METTL15: variants seen among roughly 807,000 people sequenced by gnomAD.
METTL15 encodes methyltransferase 15, mitochondrial 12S rRNA N4-cytidine.
A neutral mutation model predicts 38.3 loss-of-function variants in METTL15; 34 were observed. The observed-to-expected ratio is 0.89, with a 90% CI of 0.68 to 1.18. METTL15 has a LOEUF of 1.18. Among genes scored for constraint, METTL15 ranks in the 50% most tolerant of loss-of-function variants. The probability of loss-of-function intolerance (pLI) is 0.00; values close to 1 mark genes in which losing one functional copy is unlikely to be tolerated. For synonymous variants in METTL15, 162 were observed against 170.9 expected (o/e 0.95, Z 0.41); for missense variants, 438 against 498.4 (o/e 0.88, Z 1.15).
intron 6 of METTL15, among the ~76,000 whole-genome samples, chr11:28,513,845 CTG>C (rs1277458824): frequency 6.6e-6 from 1 of 152,252 alleles, no homozygotes; most frequent in Admixed American, 6.5e-5. Flanking sequence ...GTTTTCCGCC[CTG>C]GGCGGGCCAG....
chr11:28,339,606 A>G (rs1849932485), intron 3 of METTL15, among the ~76,000 whole-genome samples: 2 of 151,904 alleles, frequency 1.3e-5, no homozygotes, highest in African/African-American at 4.8e-5. Flanking sequence ...TTGGCCTCCC[A>G]AAAAGAGAGA....
At chr11:28,232,323 C>T (rs1233404672) in intron 4 of METTL15, among the ~76,000 whole-genome samples, 1 of 151,566 alleles carries the variant, frequency 6.6e-6, no homozygotes, top group Non-Finnish European at 1.5e-5. Flanking sequence ...CAGTCCTGTG[C>T]CAAGGGAATC....
At chr11:28,287,381 T>C (rs1029310981) in intron 4 of METTL15, 24 of 346,814 alleles carry the variant, frequency 6.9e-5, no homozygotes, top group Non-Finnish European at 1.2e-4. Flanking sequence ...GATCTTTGAG[T>C]TGTACATCAA....
At chr11:28,324,863 A>G (rs1468923527) in intron 6 of METTL15, among the ~76,000 whole-genome samples, 1 of 152,134 alleles carries the variant, frequency 6.6e-6, no homozygotes, top group Non-Finnish European at 1.5e-5. Flanking sequence ...GGCAGGTGAA[A>G]GATGATTTTA....
intron 6 of METTL15, among the ~76,000 whole-genome samples, chr11:28,307,971 G>A (rs985687257): frequency 6.6e-6 from 1 of 152,018 alleles, no homozygotes; most frequent in Admixed American, 6.6e-5. Flanking sequence ...TGAAGATAAA[G>A]ACACAGACAA....
At chr11:28,519,238 A>G (rs1315956226) in intron 6 of METTL15, 1 of 152,214 alleles carries the variant, frequency 6.6e-6, no homozygotes, top group Non-Finnish European at 1.5e-5. Context: ...TTGGAGTGGG[A>G]TCCAGAGTTC....
At chr11:28,172,178 T>A (rs1198848489) in intron 3 of METTL15, among the ~76,000 whole-genome samples, 1 of 152,166 alleles carries the variant, frequency 6.6e-6, no homozygotes, top group African/African-American at 2.4e-5. Context: ...TTTTTTTTCT[T>A]TCAAAACAAG....
chr11:28,418,915 T>C (rs1010426241), intron 5 of METTL15, among the ~76,000 whole-genome samples: 3 of 152,138 alleles, frequency 2.0e-5, no homozygotes, highest in African/African-American at 7.2e-5. Flanking sequence ...GGTCAGAACT[T>C]AAGTTTCATC....
intron 3 of METTL15, among the ~76,000 whole-genome samples, chr11:28,209,367 G>T (rs1164928771): frequency 1.3e-5 from 2 of 152,080 alleles, no homozygotes; most frequent in East Asian, 3.9e-4. Flanking sequence ...TCAAATTGAT[G>T]TAATGCATAG....
At chr11:28,519,872 G>A (rs1004840362) in intron 6 of METTL15, among the ~76,000 whole-genome samples, 2 of 152,136 alleles carry the variant, frequency 1.3e-5, no homozygotes, top group African/African-American at 4.8e-5. Flanking sequence ...GGTCACTTTA[G>A]CTTTTAGTGG....
intron 5 of METTL15, among the ~76,000 whole-genome samples, chr11:28,295,988 A>T (rs1394729235): frequency 6.6e-6 from 1 of 152,136 alleles, no homozygotes; most frequent in East Asian, 1.9e-4. Flanking sequence ...CCATTTCCCT[A>T]AGGTAAACAG....
intron 6 of METTL15, among the ~76,000 whole-genome samples, chr11:28,439,593 G>A (rs936967435): frequency 6.6e-6 from 1 of 152,170 alleles, no homozygotes; most frequent in African/African-American, 2.4e-5. Context: ...CCCTGTGGGT[G>A]GGCCCAATGC....
At chr11:28,303,754 A>T (rs188627972) in intron 6 of METTL15, among the ~76,000 whole-genome samples, 5 of 152,314 alleles carry the variant, frequency 3.3e-5, no homozygotes, top group Admixed American at 6.5e-5. Flanking sequence ...GAAAAAATAT[A>T]TAAGTTCTTA....
At chr11:28,378,200 G>T (rs1347393421) in intron 5 of METTL15, among the ~76,000 whole-genome samples, 3 of 152,204 alleles carry the variant, frequency 2.0e-5, no homozygotes, top group Non-Finnish European at 2.9e-5. Context: ...CGAGCTTCCT[G>T]GCTCCTTTGT....
At chr11:28,220,472 G>T (rs1303979514) in intron 4 of METTL15, among the ~76,000 whole-genome samples, 2 of 152,046 alleles carry the variant, frequency 1.3e-5, no homozygotes, top group East Asian at 3.9e-4. Context: ...CATGAGATGG[G>T]TTTCCTGAAT....
rs1194573031 is a variant in METTL15 at position 28,330,472 on chromosome 11, C to A, written c.855C>A (p.Phe285Leu). ...QRSTHIATKT[F>L]QALRIFVNNE... Reference sequence around the variant, plus strand: ...CTACCCATATTGCCACCAAGACTTTCCAGGCTCTTCGCATATTTGTGAACA... The same window carrying A: ...CTACCCATATTGCCACCAAGACTTTACAGGCTCTTCGCATATTTGTGAACA... Residue 285 changes from phenylalanine to leucine, a missense_variant, in exon 7 of 7, where the codon TTC becomes TTA. Coordinates refer to ENST00000407364, the MANE Select transcript of METTL15 (RefSeq NM_001113528.2). The A allele has an allele frequency of 6.4e-7, 1 of 1,551,570 alleles. No individual in the cohort carries two copies. Among genetic ancestry groups the A allele is most frequent in the East Asian group, 2.4e-5 (1 of 40,914 alleles).
chr11:28,277,012 C>A (rs1855869317), intron 4 of METTL15, among the ~76,000 whole-genome samples: 1 of 152,142 alleles, frequency 6.6e-6, no homozygotes, highest in African/African-American at 2.4e-5. Flanking sequence ...TTATAACAAA[C>A]ACCTCAAAAG....
intron 4 of METTL15, among the ~76,000 whole-genome samples, chr11:28,271,842 A>G (rs750494294): frequency 2.0e-5 from 3 of 152,204 alleles, no homozygotes; most frequent in African/African-American, 4.8e-5. Flanking sequence ...GCTAATATCC[A>G]TAATCTACAA....
intron 3 of METTL15, among the ~76,000 whole-genome samples, chr11:28,176,695 G>C (rs1225201348): frequency 6.6e-6 from 1 of 152,086 alleles, no homozygotes; most frequent in Non-Finnish European, 1.5e-5. Flanking sequence ...TTGTGGCCAA[G>C]TGGACTTGGC....
Sources: gnomAD v4.1 joint callset for allele counts (sites outside exome capture counted in the v4.1 genomes callset) on GRCh38, gnomAD v4.1.1 for gene constraint, MANE v1.5 for transcripts, NCBI Gene and HGNC (gene_info 2026-07-23, HGNC 2026-07-21) for gene names.